WDR48: variants seen among roughly 807,000 people sequenced by gnomAD.
WDR48 encodes WD repeat domain 48.
In WDR48, 22 loss-of-function variants were observed where a neutral mutation model predicts 94.0. The ratio of observed to expected loss-of-function variants is 0.23; its 90% CI spans 0.17 to 0.33. WDR48 has a LOEUF of 0.33. WDR48 is among the 10% of genes least tolerant of loss of function. WDR48 has a pLI of 1.00. For synonymous variants in WDR48, 278 were observed against 280.5 expected (o/e 0.99, Z 0.09); for missense variants, 541 against 813.8 (o/e 0.66, Z 4.08).
At chr3:39,092,040 A>G (rs916925793) in intron 17 of WDR48, among the ~76,000 whole-genome samples, 3 of 152,216 alleles carry the variant, frequency 2.0e-5, no homozygotes, top group Non-Finnish European at 4.4e-5. Context: ...TTAGCTGGGC[A>G]TGGGAGCACA....
chr3:39,077,028 A>G, intron 8 of WDR48, 111 bp from the exon 9 acceptor site: 1 of 1,186,350 alleles, frequency 8.4e-7, no homozygotes, highest in Non-Finnish European at 1.2e-6. Context: ...ATGCCCAGGT[A>G]TAGTCACCAC....
chr3:39,079,837 G>A lies in WDR48; in HGVS notation c.1173+29G>A. The A allele has an allele frequency of 2.9e-6, 4 of 1,371,806 alleles. No individual in the cohort carries two copies. The South Asian group carries it at 4.3e-5, about 15-fold the overall frequency. The allele number at this position is 1,371,806 out of a possible 1,614,324, so 85.0% of individuals were successfully genotyped here. On this transcript the variant is annotated intron_variant, in intron 11 of 18. Transcript: ENST00000302313. ...AGTATTTTTTTTGGGCTAAATATAG[G>A]TTGTTAGATTGTATACCCCCTTTAT... is the stretch of plus-strand genomic sequence containing the variant.
At chr3:39,078,024 G>A (rs1243131560) in intron 9 of WDR48, 113 bp from the exon 10 acceptor site, 1 of 726,006 alleles carries the variant, frequency 1.4e-6, no homozygotes, top group Non-Finnish European at 2.3e-6. Context: ...TTGATGTAGT[G>A]GTTGTTGAGG....
intron 9 of WDR48, 115 bp downstream of exon 9, chr3:39,077,328 AG>A (rs2125665800): frequency 9.3e-7 from 1 of 1,077,380 alleles, no homozygotes; most frequent in Admixed American, 2.4e-5. Context: ...GCTTTTGGGC[AG>A]GGGCAAAAAC....
chr3:39,089,284 CAG>C lies in WDR48; in HGVS notation c.1635_1636del (p.Val546AlafsTer6). On this transcript the variant is annotated frameshift_variant, in exon 16 of 19. Coordinates refer to ENST00000302313, the MANE Select transcript of WDR48 (RefSeq NM_020839.4). LOFTEE classifies it high-confidence loss of function. The stretch of plus-strand genomic sequence containing the variant: ...ACTGAGTCTATGCTTCTTAATGAAA[CAG>C]TGCCACAATGGGTAATTGACATCAC... The C allele has an allele frequency of 6.2e-7, 1 of 1,613,604 alleles. No homozygotes were observed. Among genetic ancestry groups the C allele is most frequent in the Non-Finnish European group, 8.5e-7 (1 of 1,179,768 alleles).
chr3:39,093,862 G>C lies in WDR48; in HGVS notation c.1746-12G>C. ...TTCCCTGATGTCACAATATGCCATT[G>C]CTTTTTTACAGAGATAGACTCTCTG... On this transcript the variant is annotated splice_polypyrimidine_tract_variant and intron_variant, in intron 17 of 18. Transcript: ENST00000302313. The C allele has an allele frequency of 6.5e-7, 1 of 1,531,810 alleles. No individual in the cohort carries two copies. The allele number at this position is 1,531,810 out of a possible 1,614,324, so 94.9% of individuals were successfully genotyped here.
At chr3:39,094,203 C>G in intron 18 of WDR48, 137 bp downstream of exon 18, 1 of 1,457,010 alleles carries the variant, frequency 6.9e-7, no homozygotes, top group African/African-American at 1.4e-5. Flanking sequence ...AAAGCCCACC[C>G]TAAAGCTCCT....
chr3:39,077,773 G>C (rs528522190), intron 9 of WDR48, among the ~76,000 whole-genome samples: 1 of 152,316 alleles, frequency 6.6e-6, no homozygotes, highest in Admixed American at 6.5e-5. Flanking sequence ...CAAAAGAGAA[G>C]GTGTTTGCAT....
intron 5 of WDR48, among the ~76,000 whole-genome samples, chr3:39,067,445 T>A (rs1172341537): frequency 6.6e-6 from 1 of 152,150 alleles, no homozygotes; most frequent in Non-Finnish European, 1.5e-5. Flanking sequence ...CTAGAGGCAA[T>A]CCAGAGATGT....
At chr3:39,088,577 G>A (rs538839139) in intron 15 of WDR48, among the ~76,000 whole-genome samples, 1 of 152,310 alleles carries the variant, frequency 6.6e-6, no homozygotes, top group South Asian at 2.1e-4. Flanking sequence ...CCTGCCCACA[G>A]AAGAGCTTCA....
intron 1 of WDR48, among the ~76,000 whole-genome samples, chr3:39,060,451 T>C (rs1220541790): frequency 6.8e-6 from 1 of 147,778 alleles, no homozygotes; most frequent in African/African-American, 2.5e-5. Flanking sequence ...CACACACACA[T>C]CACATTTTAT....
intron 5 of WDR48, 117 bp from the exon 6 acceptor site, chr3:39,068,654 C>G (rs1285817666): frequency 1.6e-6 from 1 of 621,286 alleles, no homozygotes; most frequent in East Asian, 2.7e-5. Context: ...GATTTCTTTT[C>G]CGTAGAGGAC....
chr3:39,071,194 A>C (rs2033917237), intron 7 of WDR48, among the ~76,000 whole-genome samples: 1 of 152,230 alleles, frequency 6.6e-6, no homozygotes, highest in Admixed American at 6.5e-5. Context: ...CAAAGTGAGA[A>C]TCATAATATA....
chr3:39,054,990 A>G (rs1178735647), intron 1 of WDR48, among the ~76,000 whole-genome samples: 5 of 152,258 alleles, frequency 3.3e-5, no homozygotes, highest in Non-Finnish European at 5.9e-5. Context: ...AAATATGCAC[A>G]ACTTTGTATT....
chr3:39,079,813 G>T lies in WDR48; in HGVS notation c.1173+5G>T. On this transcript the variant is annotated splice_donor_5th_base_variant and intron_variant, in intron 11 of 18. Coordinates refer to ENST00000302313, the MANE Select transcript of WDR48 (RefSeq NM_020839.4). ...GCATATTGGGATGTATTGAAGGTGAGTATTTTTTTTGGGCTAAATATAGGT... is the reference window on the plus strand; with the variant it reads ...GCATATTGGGATGTATTGAAGGTGATTATTTTTTTTGGGCTAAATATAGGT... 6.6e-7 allele frequency: 1 copy of T among 1,514,790 alleles called. No individual in the cohort carries two copies. The highest frequency in any genetic ancestry group is 8.8e-7 in the Non-Finnish European group (1 of 1,137,354). The allele number at this position is 1,514,790 out of a possible 1,614,324, so 93.8% of individuals were successfully genotyped here.
chr3:39,058,383 C>T (rs758761638), intron 1 of WDR48, among the ~76,000 whole-genome samples: 2 of 152,170 alleles, frequency 1.3e-5, no homozygotes, highest in Non-Finnish European at 2.9e-5. Flanking sequence ...TAGGAAATAC[C>T]GTTGAAGAGG....
chr3:39,054,935 T>G (rs890294883), intron 1 of WDR48, among the ~76,000 whole-genome samples: 1 of 152,220 alleles, frequency 6.6e-6, no homozygotes, highest in Non-Finnish European at 1.5e-5. Flanking sequence ...GGGAATAGAT[T>G]GTGTGATTAT....
intron 11 of WDR48, among the ~76,000 whole-genome samples, chr3:39,080,869 G>A (rs1051117338): frequency 1.3e-5 from 2 of 152,202 alleles, no homozygotes; most frequent in Non-Finnish European, 2.9e-5. Flanking sequence ...GGCAAGGTGA[G>A]CAGTTTTGTT....
At chr3:39,083,166 G>A (rs2034624776) in intron 11 of WDR48, among the ~76,000 whole-genome samples, 1 of 152,174 alleles carries the variant, frequency 6.6e-6, no homozygotes, top group African/African-American at 2.4e-5. Flanking sequence ...GCAAAAGCCA[G>A]GTAGAGTGAG....
Sources: allele counts gnomAD v4.1 joint callset (sites outside exome capture counted in the v4.1 genomes callset), GRCh38; gene constraint gnomAD v4.1.1; transcripts MANE v1.5; gene names NCBI Gene and HGNC (gene_info 2026-07-23, HGNC 2026-07-21).